The following PGS1 variants were observed in gnomAD, a reference collection of about 807,000 sequenced individuals.
PGS1 encodes the protein phosphatidylglycerophosphate synthase 1, also known as CDP-diacylglycerol--glycerol-3-phosphate 3-phosphatidyltransferase, mitochondrial.
In PGS1, 44 loss-of-function variants were observed where a neutral mutation model predicts 58.3. The ratio of observed to expected loss-of-function variants is 0.75; its 90% CI spans 0.59 to 0.97. PGS1 has a LOEUF of 0.97. Ranked by LOEUF, PGS1 falls within the 50% of genes least tolerant of loss-of-function variation. The pLI, the probability that PGS1 is intolerant of heterozygous loss-of-function variation, is 0.00. For missense variants in PGS1, 684 were observed against 731.1 expected (o/e 0.94, Z 0.74); for synonymous variants, 330 against 311.0 (o/e 1.06, Z -0.64).
At chr17:78,391,236 C>CGGCTCAT (rs2082802431) in intron 1 of PGS1, among the ~76,000 whole-genome samples, 1 of 152,090 alleles carries the variant, frequency 6.6e-6, no homozygotes, top group Non-Finnish European at 1.5e-5. Flanking sequence ...GCGTGAGCCA[C>CGGCTCAT]CGTGCGCGGC....
In PGS1 at chr17:78,386,634, G is replaced by A. The variant is rs188299000; in HGVS notation, c.144-5842G>A. 2.0e-4 allele frequency among the ~76,000 whole-genome samples: 31 copies of A among 152,296 alleles called. 1 individual carries two copies. In the South Asian group the frequency reaches 6.0e-3, roughly 29 times the overall value. On this transcript the variant is annotated intron_variant, in intron 1 of 9. Coordinates refer to ENST00000262764, the MANE Select transcript of PGS1 (RefSeq NM_024419.5). The stretch of plus-strand genomic sequence containing the variant: ...ATAACCACAGCCTCTGCCTCCTCAC[G>A]TCTCTTGGGGCTTTGGGACTGGGCC...
intron 8 of PGS1, 113 bp downstream of exon 8, chr17:78,415,140 C>G: frequency 8.2e-7 from 1 of 1,221,794 alleles, no homozygotes. Context: ...ACGAGTGAGA[C>G]TCAGAGCAGA....
chr17:78,402,872 G>A (rs2083802014), intron 6 of PGS1, among the ~76,000 whole-genome samples: 1 of 152,130 alleles, frequency 6.6e-6, no homozygotes, highest in African/African-American at 2.4e-5. Flanking sequence ...TGTCTTGTCT[G>A]ATAATAGCAT....
chr17:78,400,962 G>A lies in PGS1; in HGVS notation c.880+107G>A. The A allele has an allele frequency of 1.1e-6, 1 of 935,092 alleles. No homozygotes were observed. The highest frequency in any genetic ancestry group is 1.6e-6 in the Non-Finnish European group (1 of 638,370). The allele number at this position is 935,092 out of a possible 1,614,324, so 57.9% of individuals were successfully genotyped here. ...TGCCACAGGCATAGGGGACTTGGGT[G>A]GCAAGGCTTCATTCTGCTTTTGTCC... is the stretch of plus-strand genomic sequence containing the variant. On this transcript the variant is annotated intron_variant, in intron 6 of 9. Transcript: ENST00000262764. This position sits in a 1 kb window ranked among gnomAD's most constrained non-coding sequence, Gnocchi z 4.4.
At chr17:78,422,839 T>C (rs2146374051) in intron 9 of PGS1, among the ~76,000 whole-genome samples, 1 of 152,304 alleles carries the variant, frequency 6.6e-6, no homozygotes, top group African/African-American at 2.4e-5. Flanking sequence ...TTGACACCTG[T>C]AATCCTGGCG....
At chr17:78,392,024 A>G (rs1019488233) in intron 1 of PGS1, among the ~76,000 whole-genome samples, 4 of 152,202 alleles carry the variant, frequency 2.6e-5, no homozygotes, top group African/African-American at 9.7e-5. Context: ...TCTGGGCTGT[A>G]ATCATCAGAC....
chr17:78,411,766 AGCGAGTCCCAG>A, intron 7 of PGS1, among the ~76,000 whole-genome samples: 1 of 152,320 alleles, frequency 6.6e-6, no homozygotes, highest in East Asian at 1.9e-4. Context: ...ATTTCCCGAC[AGCGAGTCCCAG>A]GCCTGATAGT....
chr17:78,421,152 A>C (rs936747995), intron 9 of PGS1: 1 of 152,186 alleles, frequency 6.6e-6, no homozygotes, highest in African/African-American at 2.4e-5. Flanking sequence ...GGGGATTTTG[A>C]ATACATGTCA....
intron 7 of PGS1, among the ~76,000 whole-genome samples, chr17:78,413,188 C>T (rs2084873737): frequency 1.3e-5 from 2 of 152,318 alleles, no homozygotes; most frequent in South Asian, 4.1e-4. Flanking sequence ...GAGACGAGCC[C>T]ATTACAGGAA....
At chr17:78,406,045 G>A (rs1266124143) in intron 7 of PGS1, among the ~76,000 whole-genome samples, 1 of 112,702 alleles carries the variant, frequency 8.9e-6, no homozygotes, top group Non-Finnish European at 2.4e-5. Flanking sequence ...GGCCAGGCGC[G>A]GTGGCTCACG....
intron 2 of PGS1, among the ~76,000 whole-genome samples, chr17:78,395,373 T>G (rs4969179): frequency 0.61 from 93,171 of 152,106 alleles, 28,634 homozygotes; most frequent in Admixed American, 0.65. Flanking sequence ...TCCGGAAGCC[T>G]TTCCTAGTGA....
rs779330949 is a variant in PGS1, at chr17:78,423,972, G to T, written c.*11-89G>T. ...TCGCTGCCTTCTCTTTGGTCTTCAA[G>T]TTAAAGGTCCAGACATAGGTGGGGC... On this transcript the variant is annotated intron_variant, in intron 9 of 9. Coordinates refer to ENST00000262764, the MANE Select transcript of PGS1 (RefSeq NM_024419.5). The T allele has an allele frequency of 1.9e-6, 3 of 1,614,066 alleles. No homozygotes were observed. In the Admixed American group the frequency reaches 5.0e-5, roughly 27 times the overall value.
chr17:78,404,114 G>A lies in PGS1; in HGVS notation c.1402+25G>A, dbSNP rs1412362005. 11 of 1,490,486 alleles carry A rather than the reference G, an allele frequency of 7.4e-6. No individual in the cohort carries two copies. In the Admixed American group the frequency reaches 8.6e-5, roughly 12 times the overall value. The allele number at this position is 1,490,486 out of a possible 1,614,324, so 92.3% of individuals were successfully genotyped here. On this transcript the variant is annotated intron_variant, in intron 7 of 9. Transcript: ENST00000262764. The stretch of plus-strand genomic sequence containing the variant: ...GGTGCGCAGCGGCTGGCTGGAGGAC[G>A]TTCCAGTGTGGGACAGCCACAAACA...
intron 2 of PGS1, among the ~76,000 whole-genome samples, chr17:78,393,936 C>G (rs2062121325): frequency 6.6e-6 from 1 of 152,000 alleles, no homozygotes; most frequent in South Asian, 2.1e-4. Flanking sequence ...GTAATCCCAG[C>G]ACTTTGGGAG....
intron 1 of PGS1, among the ~76,000 whole-genome samples, chr17:78,391,547 G>A (rs1186437793): frequency 2.0e-5 from 3 of 151,846 alleles, no homozygotes; most frequent in East Asian, 1.9e-4. Flanking sequence ...GTGCGATCTC[G>A]CCTCACTGCA....
Position 78,414,871 on chromosome 17 carries a change from C to T in PGS1, c.1403-8C>T, listed in dbSNP as rs1269309136. The T allele has an allele frequency of 3.1e-6, 5 of 1,613,584 alleles. No individual in the cohort carries two copies. The highest frequency in any genetic ancestry group is 1.7e-6 in the Non-Finnish European group (2 of 1,179,678). ...ATTTCCTGTCTGCACGTTTCCTTTT[C>T]CCCGCAGGCCTCTGGCTGTACCTGG... On this transcript the variant is annotated splice_polypyrimidine_tract_variant and splice_region_variant and intron_variant, in intron 7 of 9. Coordinates refer to ENST00000262764, the MANE Select transcript of PGS1 (RefSeq NM_024419.5).
In PGS1 at chr17:78,403,709, G is replaced by T; in HGVS notation, c.1022G>T (p.Gly341Val). 2 of 1,614,220 alleles carry T rather than the reference G, an allele frequency of 1.2e-6. No homozygotes were observed. The highest frequency in any genetic ancestry group is 1.7e-6 in the Non-Finnish European group (2 of 1,180,042). ...LLTQEDAAAA[G>V]DRRPAPDTWI... ...ACCCAGGAAGATGCAGCAGCTGCTG[G>T]GGATCGCAGACCAGCCCCTGACACC... Residue 341 changes from glycine to valine, a missense_variant, in exon 7 of 10, where the codon GGG becomes GTG. Transcript: ENST00000262764.
intron 2 of PGS1, among the ~76,000 whole-genome samples, chr17:78,393,379 G>A (rs1009248173): frequency 1.3e-5 from 2 of 152,174 alleles, no homozygotes. Context: ...ATTCTTATGG[G>A]CGCACTGATT....
At chr17:78,408,196 G>A (rs918768362) in intron 7 of PGS1, among the ~76,000 whole-genome samples, 1 of 152,156 alleles carries the variant, frequency 6.6e-6, no homozygotes, top group African/African-American at 2.4e-5. Context: ...ACTATTTAAA[G>A]GCATGCACTA....
Sources: allele counts gnomAD v4.1 joint callset (sites outside exome capture counted in the v4.1 genomes callset), GRCh38; gene constraint gnomAD v4.1.1; non-coding constraint Gnocchi (gnomAD v3.1); transcripts MANE v1.5; gene names NCBI Gene and HGNC (gene_info 2026-07-23, HGNC 2026-07-21).